ABCA6: variants seen among roughly 807,000 people sequenced by gnomAD.
ABCA6 encodes the protein ATP binding cassette subfamily A member 6, also known as ATP-binding cassette sub-family A member 6.
In ABCA6, 164 loss-of-function variants were observed where a neutral mutation model predicts 191.2. That is an observed-to-expected ratio of 0.86 (90% CI 0.76 to 0.98). ABCA6 has a LOEUF of 0.98. ABCA6 is among the 50% of genes least tolerant of loss of function. ABCA6 has a pLI of 0.00. For synonymous variants in ABCA6, 636 were observed against 647.7 expected, an observed-to-expected ratio of 0.98 and a Z score of 0.27; for missense variants, 1,958 against 1,894.1, an observed-to-expected ratio of 1.03 and a Z score of -0.63.
chr17:69,127,719 T>C (rs772962910), intron 8 of ABCA6, among the ~76,000 whole-genome samples: 1 of 152,152 alleles, frequency 6.6e-6, no homozygotes, highest in African/African-American at 2.4e-5. Context: ...TGGTGGTAGC[T>C]ACTAAGATTA....
chr17:69,093,023 A>G (rs930198537), intron 25 of ABCA6, among the ~76,000 whole-genome samples: 1 of 152,208 alleles, frequency 6.6e-6, no homozygotes, highest in Non-Finnish European at 1.5e-5. Context: ...AGATGTGTTC[A>G]TCAGCACAAG....
In ABCA6 at chr17:69,123,424, C is replaced by A; in HGVS notation, c.1268-17G>T. 6.9e-7 allele frequency: 1 copy of A among 1,441,946 alleles called. No individual in the cohort carries two copies. Among genetic ancestry groups the A allele is most frequent in the Non-Finnish European group, 9.3e-7 (1 of 1,079,184 alleles). The allele number at this position is 1,441,946 out of a possible 1,614,324, so 89.3% of individuals were successfully genotyped here. On this transcript the variant is annotated splice_polypyrimidine_tract_variant and intron_variant, in intron 9 of 38. Transcript: ENST00000284425. ...CATCTCCATCTAATTAACCAAGAGG[C>A]AACAAAATATGATCAGTAATAGTAA...
At position 69,136,184 on chromosome 17, in the gene ABCA6, T is replaced by C; in HGVS notation, c.368A>G (p.Tyr123Cys). 4 of 1,602,384 alleles carry C rather than the reference T, an allele frequency of 2.5e-6. No homozygotes were observed. The highest frequency in any genetic ancestry group is 8.5e-7 in the Non-Finnish European group (1 of 1,173,258). ...MDEILLENLP[Y>C]AMGIIFNETF... ...TTCATTAAAGATGATTCCCATAGCATATGGTAAATTTTCCAGAAGTATTTC... is the reference window on the plus strand; with the variant it reads ...TTCATTAAAGATGATTCCCATAGCACATGGTAAATTTTCCAGAAGTATTTC... The change falls in exon 4 of 39, where the codon TAT (tyrosine) becomes TGT (cysteine). Residue 123 changes from tyrosine to cysteine, a missense_variant. By Grantham distance (194) the Tyr-to-Cys change is radical. Coordinates refer to ENST00000284425, the MANE Select transcript of ABCA6 (RefSeq NM_080284.3).
rs775355039 is a variant in ABCA6, at chr17:69,083,049, T to C, written c.4476-36A>G. On this transcript the variant is annotated intron_variant, in intron 35 of 38. Coordinates refer to ENST00000284425, the MANE Select transcript of ABCA6 (RefSeq NM_080284.3). ...GAAAGAGAATATGTTGGAAAAAATA[T>C]TGCCCTTAATTTTTTAATGTTATTC... 58 of 1,602,932 alleles carry C rather than the reference T, an allele frequency of 3.6e-5. No homozygotes were observed. In the East Asian group the frequency reaches 5.6e-4, roughly 15 times the overall value.
chr17:69,118,582 C>T (rs2073580120), intron 10 of ABCA6, among the ~76,000 whole-genome samples: 1 of 152,046 alleles, frequency 6.6e-6, no homozygotes, highest in Non-Finnish European at 1.5e-5. Context: ...TTAGTGACCT[C>T]CTAATTATAA....
intron 4 of ABCA6, 56 bp downstream of exon 4, chr17:69,136,036 T>C (rs749545287): frequency 6.5e-7 from 1 of 1,533,796 alleles, no homozygotes; most frequent in Admixed American, 1.7e-5. Context: ...ACCTCCTCTG[T>C]TCTTTATGTT....
At chr17:69,090,591 T>G (rs2072902061) in intron 26 of ABCA6, among the ~76,000 whole-genome samples, 1 of 152,226 alleles carries the variant, frequency 6.6e-6, no homozygotes, top group African/African-American at 2.4e-5. Flanking sequence ...TTTCTTGTAT[T>G]AACTTGAGTA....
At chr17:69,096,919 T>C in intron 23 of ABCA6, 118 bp from the exon 24 acceptor site, 3 of 893,734 alleles carry the variant, frequency 3.4e-6, no homozygotes, top group Non-Finnish European at 4.8e-6. Flanking sequence ...AATCTTCTAA[T>C]ATTAAAAAAA....
chr17:69,089,572 C>T lies in ABCA6; in HGVS notation c.3529-30G>A, dbSNP rs1474654393. On this transcript the variant is annotated intron_variant, in intron 26 of 38. Coordinates refer to ENST00000284425, the MANE Select transcript of ABCA6 (RefSeq NM_080284.3). Reference sequence around the variant, plus strand: ...AAAGACAAAACAAAACACACACACACTAATGATAATTCATCTGCTTTATGA... The same window carrying T: ...AAAGACAAAACAAAACACACACACATTAATGATAATTCATCTGCTTTATGA... 19 of 1,517,538 alleles carry T rather than the reference C, an allele frequency of 1.3e-5. No homozygotes were observed. In the Admixed American group the frequency reaches 2.8e-4, roughly 22 times the overall value. 94.0% of individuals were successfully genotyped at this position (1,517,538 alleles called of 1,614,324 possible).
chr17:69,141,674 A>T (rs2074025344), intron 1 of ABCA6, 71 bp downstream of exon 1: 1 of 152,096 alleles, frequency 6.6e-6, no homozygotes, highest in Admixed American at 6.6e-5. Flanking sequence ...GAAACATCTG[A>T]AAAATAGATT....
chr17:69,082,815 G>C (rs1567993352), intron 36 of ABCA6, 58 bp downstream of exon 36: 5 of 1,597,742 alleles, frequency 3.1e-6, no homozygotes, highest in Admixed American at 1.8e-5. Context: ...ACAGCAAAAA[G>C]GAAACCACTG....
At chr17:69,106,350 T>C (rs934109358) in intron 18 of ABCA6, 139 bp from the exon 19 acceptor site, 3 of 850,720 alleles carry the variant, frequency 3.5e-6, no homozygotes, top group Non-Finnish European at 5.1e-6. Context: ...CCCAGTACTC[T>C]GGGAGACCAA....
chr17:69,123,348 G>T lies in ABCA6; in HGVS notation c.1327C>A (p.His443Asn), dbSNP rs1376191617. 2 of 1,564,070 alleles carry T rather than the reference G, an allele frequency of 1.3e-6. No homozygotes were observed. Among genetic ancestry groups the T allele is most frequent in the African/African-American group, 2.7e-5 (2 of 73,832 alleles). The change falls in exon 10 of 39, where the codon CAC becomes AAC. Residue 443 changes from histidine (H) to asparagine (N), a missense_variant. By Grantham distance (68) the His-to-Asn change is moderately conservative. Coordinates refer to ENST00000284425, the MANE Select transcript of ABCA6 (RefSeq NM_080284.3). ...FFLNSSSCFQHQRTNAKVIEK... is the reference protein window; with the variant it reads ...FFLNSSSCFQNQRTNAKVIEK... ...ATAACCTTAGCATTAGTCCTTTGGT[G>T]TTGGAAACAAGATGATGAATTCAAG...
intron 8 of ABCA6, among the ~76,000 whole-genome samples, chr17:69,128,282 G>C (rs1458117580): frequency 6.6e-6 from 1 of 151,662 alleles, no homozygotes; most frequent in Non-Finnish European, 1.5e-5. Context: ...ATAAAAGTGG[G>C]TTCATATATA....
intron 36 of ABCA6, among the ~76,000 whole-genome samples, chr17:69,082,038 A>C (rs2072647910): frequency 6.6e-6 from 1 of 152,144 alleles, no homozygotes; most frequent in South Asian, 2.1e-4. Flanking sequence ...CAGATGTCCA[A>C]GATTGGCCCT....
chr17:69,089,420 C>T, intron 27 of ABCA6, 45 bp downstream of exon 27: 1 of 1,541,652 alleles, frequency 6.5e-7, no homozygotes, highest in Non-Finnish European at 8.9e-7. Context: ...TAGTGAATGA[C>T]AGTCATCCAA....
At chr17:69,081,458 A>G (rs1214451973) in intron 36 of ABCA6, among the ~76,000 whole-genome samples, 1 of 152,216 alleles carries the variant, frequency 6.6e-6, no homozygotes, top group Non-Finnish European at 1.5e-5. Flanking sequence ...AATTAACCCC[A>G]AAATAAATGT....
chr17:69,117,737 A>G (rs1384958659), intron 11 of ABCA6, among the ~76,000 whole-genome samples, 161 bp downstream of exon 11: 1 of 152,086 alleles, frequency 6.6e-6, no homozygotes, highest in Non-Finnish European at 1.5e-5. Context: ...AGAATTTTAC[A>G]GCATATTCTT....
In ABCA6 at chr17:69,084,444, T is replaced by A. The variant is rs778834022; in HGVS notation, c.4248A>T (p.Gly1416=). Residue 1416 remains glycine, a synonymous_variant, in exon 33 of 39, where the codon GGA becomes GGT. Coordinates refer to ENST00000284425, the MANE Select transcript of ABCA6 (RefSeq NM_080284.3). ...LNVPVQKLTA[G]ITRKLCFVLS... ...ACACCGCACGTACCTTTCTCGTGAT[T>A]CCTGCTGTTAATTTCTGCACAGGAA... 4.3e-6 allele frequency: 7 copies of A among 1,614,190 alleles called. No homozygotes were observed. The Admixed American group carries it at 1.2e-4, about 27-fold the overall frequency.
Sources: gnomAD v4.1 joint callset for allele counts (sites outside exome capture counted in the v4.1 genomes callset) on GRCh38, gnomAD v4.1.1 for gene constraint, MANE v1.5 for transcripts, NCBI Gene and HGNC (gene_info 2026-07-23, HGNC 2026-07-21) for gene names.